PCDH15: variants seen among roughly 807,000 people sequenced by gnomAD.
The protein encoded by PCDH15 is protocadherin related 15, also known as protocadherin-15.
Under a neutral mutation model 178.5 loss-of-function variants are expected in PCDH15, and 129 were observed. The ratio of observed to expected loss-of-function variants is 0.72; its 90% CI spans 0.63 to 0.84. The LOEUF is 0.84. Ranked by LOEUF, PCDH15 falls within the 40% of genes least tolerant of loss-of-function variation. The probability of loss-of-function intolerance (pLI) is 0.00; values close to 1 mark genes in which losing one functional copy is unlikely to be tolerated. For synonymous variants in PCDH15, 800 were observed against 732.0 expected, an observed-to-expected ratio of 1.09 and a Z score of -1.50; for missense variants, 2,230 against 2,099.9, an observed-to-expected ratio of 1.06 and a Z score of -1.21.
In PCDH15 at chr10:54,641,158, GAAATA is replaced by G. The variant is rs1381896163; in HGVS notation, c.91+23009_91+23013del. 8 of 198,620 alleles carry G rather than the reference GAAATA, an allele frequency of 4.0e-5. No homozygotes were observed. The East Asian group carries it at 1.1e-3, about 26-fold the overall frequency. 12.3% of individuals were successfully genotyped at this position (198,620 alleles called of 1,614,324 possible). ...TTTTTAAAAGTACAAACATAATTTA[GAAATA>G]AAGTTTTGTGTGTGTGTACGTGTAA... On this transcript the variant is annotated intron_variant, in intron 2 of 37. Transcript: ENST00000644397.
intron 2 of PCDH15, among the ~76,000 whole-genome samples, chr10:54,940,170 T>C (rs1418337190): frequency 6.6e-6 from 1 of 152,160 alleles, no homozygotes; most frequent in Non-Finnish European, 1.5e-5. Context: ...ATATATATAC[T>C]TACAGATATA....
intron 8 of PCDH15, among the ~76,000 whole-genome samples, chr10:54,237,735 A>T (rs1482158627): frequency 6.6e-6 from 1 of 152,212 alleles, no homozygotes; most frequent in Admixed American, 6.5e-5. Context: ...GGTAAGTTAT[A>T]TGAGGTTACT....
chr10:54,226,204 T>A (rs1353298360), intron 9 of PCDH15, among the ~76,000 whole-genome samples: 1 of 152,266 alleles, frequency 6.6e-6, no homozygotes, highest in African/African-American at 2.4e-5. Context: ...ACACTCATGG[T>A]GGAAGGCAAG....
chr10:53,909,108 C>A (rs7101001), intron 25 of PCDH15, among the ~76,000 whole-genome samples: 77,314 of 152,020 alleles, frequency 0.51, 21,483 homozygotes, highest in Middle Eastern at 0.69. Context: ...GGGAGGTGAT[C>A]AGATCATGGG....
intron 20 of PCDH15, among the ~76,000 whole-genome samples, chr10:54,019,813 C>A (rs2092857255): frequency 6.6e-6 from 1 of 151,946 alleles, no homozygotes; most frequent in Admixed American, 6.6e-5. Flanking sequence ...GAACTCTTGG[C>A]CCTTCAGAGT....
chr10:54,940,564 T>C (rs1838036169), intron 2 of PCDH15, among the ~76,000 whole-genome samples: 2 of 152,184 alleles, frequency 1.3e-5, no homozygotes, highest in African/African-American at 4.8e-5. Context: ...TGGTTTATGC[T>C]GTTGTTCAAG....
intron 3 of PCDH15, among the ~76,000 whole-genome samples, chr10:54,389,143 AG>A (rs5785073): frequency 0.85 from 129,655 of 151,658 alleles, 55,642 homozygotes; most frequent in East Asian, 0.99. Context: ...TAATCTACAG[AG>A]GAAAAAAAAA....
At chr10:53,919,956 G>T (rs1392572815) in intron 25 of PCDH15, among the ~76,000 whole-genome samples, 1 of 152,028 alleles carries the variant, frequency 6.6e-6, no homozygotes, top group Non-Finnish European at 1.5e-5. Flanking sequence ...CTTCTAAACT[G>T]CATCAGGAAA....
At chr10:54,422,660 C>A (rs193091614) in intron 3 of PCDH15, among the ~76,000 whole-genome samples, 2 of 152,228 alleles carry the variant, frequency 1.3e-5, no homozygotes, top group African/African-American at 2.4e-5. Flanking sequence ...GACAAATATT[C>A]CCTGAAAAGT....
intron 2 of PCDH15, among the ~76,000 whole-genome samples, chr10:55,505,015 T>C (rs1840731444): frequency 6.6e-6 from 1 of 151,470 alleles, no homozygotes; most frequent in Non-Finnish European, 1.5e-5. Flanking sequence ...TAAGAGCTAA[T>C]TTCAGGGCTT....
intron 9 of PCDH15, among the ~76,000 whole-genome samples, chr10:54,230,975 TGAC>T (rs2053995912): frequency 6.6e-6 from 1 of 152,208 alleles, no homozygotes; most frequent in South Asian, 2.1e-4. Flanking sequence ...TCATTATTAA[TGAC>T]AGTGCTGCAA....
intron 2 of PCDH15, among the ~76,000 whole-genome samples, chr10:54,533,468 T>A (rs1226882397): frequency 6.6e-6 from 1 of 152,074 alleles, no homozygotes; most frequent in Non-Finnish European, 1.5e-5. Flanking sequence ...CTCACAATAA[T>A]AGACAAAGTA....
At chr10:53,876,211 C>T (rs1183759947) in intron 26 of PCDH15, among the ~76,000 whole-genome samples, 9 of 72,504 alleles carry the variant, frequency 1.2e-4, no homozygotes, top group African/African-American at 3.2e-4. Flanking sequence ...TTTTTTTTGA[C>T]ACAGTCTTGC....
chr10:54,659,400 T>C (rs2135362940), intron 2 of PCDH15, among the ~76,000 whole-genome samples: 1 of 152,196 alleles, frequency 6.6e-6, no homozygotes, highest in Non-Finnish European at 1.5e-5. Flanking sequence ...GTCTCAATAA[T>C]TTCAAAAAAA....
At position 55,194,776 on chromosome 10, in the gene PCDH15, C is replaced by T. The variant is rs191699442; in HGVS notation, c.-155-28125G>A. On this transcript the variant is annotated intron_variant, in intron 1 of 5. Coordinates refer to the PCDH15 transcript ENST00000458638. ...AGCAATATAAGCCGAACGTGATGAG[C>T]GACTATATATAGTATGAATGAGAAG... 2.0e-3 allele frequency among the ~76,000 whole-genome samples: 302 copies of T among 151,170 alleles called. 2 individuals carry two copies. The highest frequency in any genetic ancestry group is 2.8e-3 in the Non-Finnish European group (191 of 67,870).
At chr10:54,192,031 C>G (rs7919565) in intron 11 of PCDH15, among the ~76,000 whole-genome samples, 15 of 143,888 alleles carry the variant, frequency 1.0e-4, no homozygotes, top group Middle Eastern at 3.6e-3. Context: ...AAATAATGAA[C>G]GGAGAGAAGG....
At chr10:55,539,439 A>G (rs1841707205) in intron 2 of PCDH15, among the ~76,000 whole-genome samples, 1 of 152,014 alleles carries the variant, frequency 6.6e-6, no homozygotes, top group Non-Finnish European at 1.5e-5. Flanking sequence ...TTCAAAATAT[A>G]TTTTATATTG....
chr10:54,878,260 G>A (rs141471864), intron 3 of PCDH15, among the ~76,000 whole-genome samples: 4 of 152,038 alleles, frequency 2.6e-5, no homozygotes, highest in African/African-American at 4.8e-5. Flanking sequence ...ACTGCACCCC[G>A]CCAGAAGTTC....
chr10:54,864,799 G>A (rs1953906824), intron 3 of PCDH15: 1 of 152,168 alleles, frequency 6.6e-6, no homozygotes, highest in South Asian at 2.1e-4. Flanking sequence ...AGAGCAATCT[G>A]AGAAAAAGCA....
Sources: gnomAD v4.1 joint callset for allele counts (sites outside exome capture counted in the v4.1 genomes callset) on GRCh38, gnomAD v4.1.1 for gene constraint, MANE v1.5 for transcripts, NCBI Gene and HGNC (gene_info 2026-07-23, HGNC 2026-07-21) for gene names.